The following DMD variants were observed in gnomAD, a reference collection of about 807,000 sequenced individuals.
The protein encoded by DMD is mutant dystrophin.
In DMD, 63 loss-of-function variants were observed where a neutral mutation model predicts 330.1. The observed-to-expected ratio is 0.19, with a 90% CI of 0.16 to 0.24. The LOEUF is 0.24. Among genes scored for constraint, DMD ranks in the 10% least tolerant of loss-of-function variants. The pLI is 1.00. For missense variants in DMD, 3,344 were observed against 2,684.1 expected, an observed-to-expected ratio of 1.25 and a Z score of -5.43; for synonymous variants, 1,223 against 959.8, an observed-to-expected ratio of 1.27 and a Z score of -5.07.
intron 47 of DMD, among the ~76,000 whole-genome samples, chrX:31,923,594 CTTTTTTTT>C (rs746084752): frequency 1.3e-5 from 1 of 76,224 alleles, no homozygotes; most frequent in African/African-American, 6.0e-5. Context: ...GGTGAACACC[CTTTTTTTT>C]TTTTTTTTTT....
chrX:31,190,808 A>C (rs1602533613), intron 67 of DMD, among the ~76,000 whole-genome samples: 1 of 110,769 alleles, frequency 9.0e-6, no homozygotes, highest in East Asian at 2.8e-4. Context: ...TCACTTGTCA[A>C]AACTAAGAAA....
At chrX:31,837,764 G>C (rs1477242162) in intron 48 of DMD, among the ~76,000 whole-genome samples, 1 of 111,612 alleles carries the variant, frequency 9.0e-6, no homozygotes, top group East Asian at 2.8e-4. Context: ...GTTTGTACCT[G>C]TTCCCTCTCA....
At chrX:32,471,670 G>A (rs2040643814) in intron 22 of DMD, among the ~76,000 whole-genome samples, 1 of 111,689 alleles carries the variant, frequency 9.0e-6, no homozygotes, top group South Asian at 3.8e-4. Context: ...GTATATGGGA[G>A]CATGTTCATA....
intron 55 of DMD, among the ~76,000 whole-genome samples, chrX:31,526,751 T>C (rs1024001945): frequency 1.8e-5 from 2 of 111,925 alleles, no homozygotes; most frequent in African/African-American, 6.5e-5. Flanking sequence ...TTCTCTTCTA[T>C]CTGTTGAAAA....
intron 16 of DMD, among the ~76,000 whole-genome samples, chrX:32,557,641 T>C (rs932873535): frequency 1.8e-5 from 2 of 111,785 alleles, no homozygotes; most frequent in African/African-American, 6.5e-5. Flanking sequence ...TAGCCATGCT[T>C]AAAAACCAAC....
At chrX:32,386,861 G>A (rs1268486484) in intron 32 of DMD, among the ~76,000 whole-genome samples, 2 of 109,780 alleles carry the variant, frequency 1.8e-5, no homozygotes, top group South Asian at 3.8e-4. Context: ...CTCCTACATC[G>A]GGTATTTATT....
At chrX:32,557,905 A>G (rs1006058517) in intron 16 of DMD, among the ~76,000 whole-genome samples, 37 of 110,367 alleles carry the variant, frequency 3.4e-4, no homozygotes, top group African/African-American at 1.2e-3. Context: ...AAAATTTACT[A>G]TTAATTACTG....
rs1470822321 is a variant in DMD, at chrX:32,795,518, G to A, written c.649+13975C>T. ...AGACCTAAAACTGAAACTACATGAA[G>A]CAAACATAGGGAAAACAGACAGGAC... On this transcript the variant is annotated intron_variant, in intron 7 of 78. Coordinates refer to ENST00000357033, the MANE Select transcript of DMD (RefSeq NM_004006.3). Among the ~76,000 whole-genome samples the A allele has an allele frequency of 1.3e-4, 15 of 111,753 alleles. No individual in the cohort carries two copies. The Admixed American group carries it at 1.4e-3, about 11-fold the overall frequency.
At chrX:32,547,092 C>A (rs228378) in intron 16 of DMD, among the ~76,000 whole-genome samples, 37,148 of 109,752 alleles carry the variant, frequency 0.34, 4,963 homozygotes, top group East Asian at 0.6. Context: ...ACCATGAGCA[C>A]ACTTTCTTTG....
chrX:31,563,416 G>A (rs181047219), intron 55 of DMD, among the ~76,000 whole-genome samples: 3 of 112,166 alleles, frequency 2.7e-5, no homozygotes, highest in Admixed American at 9.4e-5. Flanking sequence ...TGATCTACTT[G>A]TCTTGTTTTG....
intron 53 of DMD, among the ~76,000 whole-genome samples, chrX:31,664,793 C>T (rs1189199289): frequency 9.2e-6 from 1 of 108,151 alleles, no homozygotes; most frequent in Non-Finnish European, 1.9e-5. Flanking sequence ...TCCCTCCACT[C>T]TCAAACCACC....
intron 13 of DMD, among the ~76,000 whole-genome samples, chrX:32,593,075 G>T (rs1383101368): frequency 8.9e-6 from 1 of 112,784 alleles, no homozygotes; most frequent in East Asian, 2.8e-4. Context: ...GGGGATCCGG[G>T]CCAGTAGTGC....
At chrX:31,274,640 G>C (rs1450784599) in intron 62 of DMD, among the ~76,000 whole-genome samples, 1 of 112,384 alleles carries the variant, frequency 8.9e-6, no homozygotes, top group Non-Finnish European at 1.9e-5. Context: ...AAGATGAAAG[G>C]AAAATACAGA....
intron 60 of DMD, among the ~76,000 whole-genome samples, chrX:31,373,605 C>G (rs1355490776): frequency 6.6e-5 from 7 of 106,628 alleles, no homozygotes; most frequent in South Asian, 4.3e-4. Flanking sequence ...GCTGGGAAAA[C>G]TGGCTAGCCA....
chrX:32,807,142 A>T lies in DMD; in HGVS notation c.649+2351T>A, dbSNP rs953004444. 6.4e-3 allele frequency among the ~76,000 whole-genome samples: 672 copies of T among 104,356 alleles called. 1 individual carries two copies. The highest frequency in any genetic ancestry group is 0.02 in the Admixed American group (196 of 9,701). The allele number at this position is 104,356 out of a possible 115,157, so 90.6% of individuals were successfully genotyped here. On this transcript the variant is annotated intron_variant, in intron 7 of 78. Coordinates refer to ENST00000357033, the MANE Select transcript of DMD (RefSeq NM_004006.3). ...ACATTTAAAAAAAAAAAAAAAAAAA[A>T]AAAAAAACATCAACAAATCCAGGAG...
intron 1 of DMD, among the ~76,000 whole-genome samples, chrX:33,203,820 A>T (rs1481162884): frequency 9.0e-6 from 1 of 110,740 alleles, no homozygotes; most frequent in Non-Finnish European, 1.9e-5. Context: ...CACGCGCTAC[A>T]TAAAAATACA....
chrX:32,265,885 G>T (rs1304239923), intron 43 of DMD, among the ~76,000 whole-genome samples: 1 of 112,086 alleles, frequency 8.9e-6, no homozygotes, highest in African/African-American at 3.2e-5. Flanking sequence ...CTCCTAGGCA[G>T]AAGTGACTTG....
At chrX:32,997,654 G>T (rs1415758646) in intron 2 of DMD, among the ~76,000 whole-genome samples, 3 of 112,204 alleles carry the variant, frequency 2.7e-5, no homozygotes, top group African/African-American at 6.5e-5. Flanking sequence ...AGAAGAAGCA[G>T]ATATAAGTTC....
At chrX:32,352,724 T>C (rs762627757) in intron 37 of DMD, among the ~76,000 whole-genome samples, 19 of 111,109 alleles carry the variant, frequency 1.7e-4, no homozygotes, top group Middle Eastern at 4.6e-3. Context: ...GGTCTTATTA[T>C]CTTGCATTAT....
Sources: gnomAD v4.1 joint callset for allele counts (sites outside exome capture counted in the v4.1 genomes callset) on GRCh38, gnomAD v4.1.1 for gene constraint, MANE v1.5 for transcripts, NCBI Gene and HGNC (gene_info 2026-07-23, HGNC 2026-07-21) for gene names.